POPDC1: variants seen among roughly 807,000 people sequenced by gnomAD.
POPDC1 encodes popeye domain-containing protein 1.
At chr6:105,114,908 T>C in the POPDC1 span, among the ~76,000 whole-genome samples, 1 of 152,210 alleles carries the variant, frequency 6.6e-6, no homozygotes, top group Non-Finnish European at 1.5e-5. Flanking sequence ...CATACTGAGA[T>C]AACCAGCCAG....
chr6:105,133,819 G>T, the POPDC1 span, among the ~76,000 whole-genome samples: 1 of 152,088 alleles, frequency 6.6e-6, no homozygotes, highest in African/African-American at 2.4e-5. Context: ...CAAATGAAAT[G>T]AAATACATAA....
the POPDC1 span, among the ~76,000 whole-genome samples, chr6:105,109,769 A>AAAAAAATAAATAAAAAATAAAT: frequency 2.8e-5 from 4 of 144,992 alleles, no homozygotes; most frequent in South Asian, 9.1e-4. Flanking sequence ...TTCTCAAAAA[A>AAAAAAATAAATAAAAAATAAAT]AAAAAAAAAA....
At chr6:105,115,639 G>C in the POPDC1 span, 2 of 1,602,908 alleles carry the variant, frequency 1.2e-6, no homozygotes, top group Non-Finnish European at 1.7e-6. Context: ...TATGTCCAGA[G>C]ATACCCATCA....
chr6:105,104,112 C>T, the POPDC1 span, among the ~76,000 whole-genome samples: 667 of 152,200 alleles, frequency 4.4e-3, 10 homozygotes, highest in African/African-American at 0.015. Flanking sequence ...CTCTTCAAAT[C>T]CAGCCCATCC....
chr6:105,125,593 T>C, the POPDC1 span: 2 of 1,612,494 alleles, frequency 1.2e-6, no homozygotes, highest in South Asian at 1.1e-5. Flanking sequence ...AATGCAGCAA[T>C]GACTAGATGC....
the POPDC1 span, among the ~76,000 whole-genome samples, chr6:105,104,814 G>A: frequency 6.6e-5 from 10 of 152,228 alleles, no homozygotes; most frequent in Admixed American, 2.0e-4. Context: ...GAATCAGGGA[G>A]TGACCACAAG....
chr6:105,100,548 ATATGTATATATATATATATATG>A, the POPDC1 span: 1 of 17,112 alleles, frequency 5.8e-5, no homozygotes, highest in African/African-American at 1.4e-4. Context: ...GTATGTATAT[ATATGTATATATATATATATATG>A]TATGTATGTA....
chr6:105,126,493 C>T, the POPDC1 span, among the ~76,000 whole-genome samples: 3 of 151,770 alleles, frequency 2.0e-5, no homozygotes, highest in East Asian at 1.9e-4. Context: ...GGGGAAGATC[C>T]GCACTATTCA....
At chr6:105,099,326 A>G in the POPDC1 span, 2 of 152,202 alleles carry the variant, frequency 1.3e-5, no homozygotes, top group Non-Finnish European at 2.9e-5. Context: ...AAATGAGGTG[A>G]CCCTAGATGA....
the POPDC1 span, among the ~76,000 whole-genome samples, chr6:105,128,926 C>T: frequency 1.1e-4 from 17 of 152,172 alleles, no homozygotes; most frequent in East Asian, 2.9e-3. Context: ...TAGCAACCCA[C>T]CAAATATGGT....
chr6:105,134,325 T>C, the POPDC1 span, among the ~76,000 whole-genome samples: 1 of 152,262 alleles, frequency 6.6e-6, no homozygotes, highest in South Asian at 2.1e-4. Context: ...TACTTATACA[T>C]ATGAAAATCC....
chr6:105,133,033 G>T, the POPDC1 span, among the ~76,000 whole-genome samples: 11 of 152,290 alleles, frequency 7.2e-5, no homozygotes, highest in Admixed American at 2.6e-4. Flanking sequence ...CCAAGTTACA[G>T]TTGACAAGAA....
At chr6:105,115,870 G>C in the POPDC1 span, 9 of 1,597,814 alleles carry the variant, frequency 5.6e-6, no homozygotes, top group Non-Finnish European at 4.3e-6. Context: ...TATGGGAGTT[G>C]AATCATACAT....
At chr6:105,124,613 G>T in the POPDC1 span, 1 of 1,612,640 alleles carries the variant, frequency 6.2e-7, no homozygotes, top group Non-Finnish European at 8.5e-7. Flanking sequence ...AGGCACAGGG[G>T]TAAATGTTAT....
the POPDC1 span, chr6:105,133,250 C>G: frequency 1.0e-6 from 1 of 1,001,682 alleles, no homozygotes; most frequent in African/African-American, 1.6e-5. Context: ...CATTTTTTGG[C>G]TTGCTATGGG....
At chr6:105,132,348 G>C in the POPDC1 span, among the ~76,000 whole-genome samples, 1 of 152,122 alleles carries the variant, frequency 6.6e-6, no homozygotes, top group African/African-American at 2.4e-5. Context: ...TCTTTGTTTG[G>C]ATACTATACC....
chr6:105,125,932 G>A, the POPDC1 span, among the ~76,000 whole-genome samples: 1 of 151,792 alleles, frequency 6.6e-6, no homozygotes, highest in African/African-American at 2.4e-5. Flanking sequence ...CGGTGGTCAC[G>A]CCTGTAATCC....
the POPDC1 span, chr6:105,116,900 G>T: frequency 6.3e-7 from 1 of 1,587,180 alleles, no homozygotes; most frequent in African/African-American, 1.4e-5. Context: ...AAAGAATAAA[G>T]TACATCTATG....
the POPDC1 span, among the ~76,000 whole-genome samples, chr6:105,130,090 G>T: frequency 2.0e-5 from 3 of 151,982 alleles, no homozygotes; most frequent in East Asian, 5.8e-4. Flanking sequence ...TATTTTTAAA[G>T]GGGAAAAATC....
Sources: gnomAD v4.1 joint callset for allele counts (sites outside exome capture counted in the v4.1 genomes callset) on GRCh38, gnomAD v4.1.1 for gene constraint, MANE v1.5 for transcripts, NCBI Gene and HGNC (gene_info 2026-07-23, HGNC 2026-07-21) for gene names.